The following DTX3L variants were observed in gnomAD, a reference collection of about 807,000 sequenced individuals.
DTX3L encodes the protein E3 ubiquitin-protein ligase DTX3L.
Under a neutral mutation model 60.9 loss-of-function variants are expected in DTX3L, and 34 were observed. The observed-to-expected ratio is 0.56, with a 90% CI of 0.42 to 0.74. The LOEUF (loss-of-function observed/expected upper bound fraction) is 0.74. Among genes scored for constraint, DTX3L ranks in the 30% least tolerant of loss-of-function variants. DTX3L has a pLI of 0.00. For missense variants in DTX3L, 810 were observed against 874.0 expected (o/e 0.93, Z 0.92); for synonymous variants, 290 against 316.6 (o/e 0.92, Z 0.89).
At chr3:122,567,002 T>C (rs548888955) in intron 2 of DTX3L, among the ~76,000 whole-genome samples, 1 of 152,314 alleles carries the variant, frequency 6.6e-6, no homozygotes, top group Non-Finnish European at 1.5e-5. Context: ...AGGTGACATC[T>C]CTAGCCAAGT....
At chr3:122,570,055 G>C in intron 3 of DTX3L, 31 bp downstream of exon 3, 1 of 1,605,314 alleles carries the variant, frequency 6.2e-7, no homozygotes, top group Non-Finnish European at 8.5e-7. Context: ...TGGGTTTCTT[G>C]CCACTATGCT....
rs770609802 is a variant in DTX3L at position 122,565,512 on chromosome 3, T to TAAA, written c.188-326_188-324dup. On this transcript the variant is annotated intron_variant, in intron 1 of 4. Coordinates refer to ENST00000296161, the MANE Select transcript of DTX3L (RefSeq NM_138287.3). Reference sequence around the variant, plus strand: ...CTGGGTGACAGAGTGAGACTCCGTCTAAAAAAAAAAAAAAAAAAAAAAAGA... The same window carrying TAAA: ...CTGGGTGACAGAGTGAGACTCCGTCTAAAAAAAAAAAAAAAAAAAAAAAAAAGA... 7.6e-3 allele frequency among the ~76,000 whole-genome samples: 398 copies of TAAA among 52,266 alleles called. 11 individuals are homozygous for TAAA. Among genetic ancestry groups the TAAA allele is most frequent in the Non-Finnish European group, 9.1e-3 (271 of 29,862 alleles). 34.3% of individuals were successfully genotyped at this position (52,266 alleles called of 152,430 possible).
chr3:122,572,107 G>T lies in DTX3L; in HGVS notation c.*360G>T, dbSNP rs2080650484. ...TTTTTGTATTTTTAGTAGAGACAGG[G>T]TTTCACTGTGTTAGCCAGGATGGTC... On this transcript the variant is annotated 3_prime_UTR_variant, in exon 5 of 5. Coordinates refer to ENST00000296161, the MANE Select transcript of DTX3L (RefSeq NM_138287.3). 2 of 177,690 alleles carry T rather than the reference G, an allele frequency of 1.1e-5. No homozygotes were observed. The highest frequency in any genetic ancestry group is 5.5e-5 in the Admixed American group (1 of 18,068). 11.0% of individuals were successfully genotyped at this position (177,690 alleles called of 1,614,324 possible). A position where few individuals can be genotyped will look rare whatever the true frequency, so the allele number is the denominator to read the frequency against.
chr3:122,570,915 C>T (rs992838818), intron 4 of DTX3L, among the ~76,000 whole-genome samples: 10 of 152,022 alleles, frequency 6.6e-5, no homozygotes, highest in African/African-American at 2.4e-4. Flanking sequence ...CTTTTGAATC[C>T]GAGATGAATA....
At chr3:122,566,913 A>G (rs1326303620) in intron 2 of DTX3L, among the ~76,000 whole-genome samples, 1 of 152,226 alleles carries the variant, frequency 6.6e-6, no homozygotes. Flanking sequence ...TGCCAGTCAT[A>G]CCTGCTAGGA....
intron 4 of DTX3L, among the ~76,000 whole-genome samples, chr3:122,571,359 T>A (rs1453227616): frequency 1.3e-5 from 2 of 152,096 alleles, no homozygotes; most frequent in Non-Finnish European, 2.9e-5. Flanking sequence ...TCAAAGTAAA[T>A]CAACGTATTA....
chr3:122,571,689 C>T lies in DTX3L; in HGVS notation c.2165C>T (p.Pro722Leu), dbSNP rs1269725455. 2 of 1,613,086 alleles carry T rather than the reference C, an allele frequency of 1.2e-6. No homozygotes were observed. The highest frequency in any genetic ancestry group is 2.7e-5 in the African/African-American group (2 of 74,894). Reference protein sequence around the residue: ...RFGGPEMYGYPDPSYLKRVKE... With the variant: ...RFGGPEMYGYLDPSYLKRVKE... ...TTTTGTTTCTTCAGGTATGGCTATC[C>T]TGATCCTTCTTACCTGAAACGTGTC... Residue 722 changes from proline to leucine, a missense_variant, in exon 5 of 5, where the codon CCT (proline) becomes CTT (leucine). Coordinates refer to ENST00000296161, the MANE Select transcript of DTX3L (RefSeq NM_138287.3).
rs200460795 is a variant in DTX3L, at chr3:122,564,516, C to A, written c.90C>A (p.Phe30Leu). Residue 30 changes from phenylalanine to leucine, a missense_variant, in exon 1 of 5, where the codon TTC (phenylalanine) becomes TTA (leucine). Coordinates refer to ENST00000296161, the MANE Select transcript of DTX3L (RefSeq NM_138287.3). ...TACGAAGGAAGCTGGAGAGCTACTT[C>A]CAGAGCTCTAAGTCCTCGGGCGGCG... is the stretch of plus-strand genomic sequence containing the variant. ...PRVRRKLESY[F>L]QSSKSSGGGE... 4.5e-5 allele frequency: 73 copies of A among 1,612,384 alleles called. 2 individuals are homozygous for A. In the Admixed American group the frequency reaches 9.0e-4, roughly 20 times the overall value.
chr3:122,564,820 G>A (rs575020107), intron 1 of DTX3L, among the ~76,000 whole-genome samples: 2 of 152,362 alleles, frequency 1.3e-5, no homozygotes, highest in Admixed American at 6.5e-5. Context: ...TGTGCCTGGT[G>A]CGGGTCTGGC....
intron 2 of DTX3L, 30 bp downstream of exon 2, chr3:122,566,100 C>T: frequency 6.3e-7 from 1 of 1,587,798 alleles, no homozygotes; most frequent in South Asian, 1.1e-5. Flanking sequence ...GCTGGCTGTG[C>T]CTGCGCCTCC....
In DTX3L at chr3:122,564,391, T is replaced by C; in HGVS notation, c.-36T>C. On this transcript the variant is annotated 5_prime_UTR_variant, in exon 1 of 5. Transcript: ENST00000296161. ...GCCGCGCCTTTACCGCCCAGCTGCC[T>C]CCCGGAGCCCCCGCGCCCTCCCGAC... 1 of 1,581,452 alleles carries C rather than the reference T, an allele frequency of 6.3e-7. No individual in the cohort carries two copies.
At position 122,570,559 on chromosome 3, in the gene DTX3L, CT is replaced by C; in HGVS notation, c.2043del (p.Phe681LeufsTer5). On this transcript the variant is annotated frameshift_variant, in exon 4 of 5. Coordinates refer to ENST00000296161, the MANE Select transcript of DTX3L (RefSeq NM_138287.3). LOFTEE classifies it high-confidence loss of function. Reference protein sequence around the residue: ...RKVLKLLYRAFDQKLIFTVGY... With the variant: ...RKVLKLLYRAXDQKLIFTVGY... ...AGGTTTTGAAACTGCTTTATAGGGCCTTTGACCAAAAGCTGATTTTTACAGT... is the reference window on the plus strand; with the variant it reads ...AGGTTTTGAAACTGCTTTATAGGGCCTTGACCAAAAGCTGATTTTTACAGT... The C allele has an allele frequency of 1.2e-6, 2 of 1,614,126 alleles. No individual in the cohort carries two copies. Among genetic ancestry groups the C allele is most frequent in the Non-Finnish European group, 1.7e-6 (2 of 1,180,046 alleles).
chr3:122,570,408 T>C, intron 3 of DTX3L, 47 bp from the exon 4 acceptor site: 1 of 1,587,796 alleles, frequency 6.3e-7, no homozygotes, highest in Non-Finnish European at 8.6e-7. Context: ...ATAGTAAAAA[T>C]TAGACAGGGC....
chr3:122,568,301 C>T lies in DTX3L; in HGVS notation c.400-188C>T, dbSNP rs527933808. 6.7e-5 allele frequency among the ~76,000 whole-genome samples: 10 copies of T among 149,068 alleles called. No homozygotes were observed. The South Asian group carries it at 1.7e-3, about 25-fold the overall frequency. On this transcript the variant is annotated intron_variant, in intron 2 of 4. Transcript: ENST00000296161. ...TCCAGCCTGGGTAACAAGAGTGAAA[C>T]TCCATCTTGAAATAAATAAATAAAT...
rs1352425719 is a variant in DTX3L at position 122,568,540 on chromosome 3, C to G, written c.451C>G (p.Gln151Glu). 6.2e-7 allele frequency: 1 copy of G among 1,613,884 alleles called. No homozygotes were observed. Among genetic ancestry groups the G allele is most frequent in the Admixed American group, 1.7e-5 (1 of 59,984 alleles). ...DLNCNLFSKE[Q>E]RAYITTLCPS... The stretch of plus-strand genomic sequence containing the variant: ...GAACTGTAACCTGTTCTCCAAAGAG[C>G]AGAGGGCATACATAACCACACTGTG... The change falls in exon 3 of 5, where the codon CAG becomes GAG. Residue 151 changes from glutamine to glutamate, a missense_variant. Transcript: ENST00000296161.
intron 3 of DTX3L, 129 bp from the exon 4 acceptor site, chr3:122,570,326 G>A (rs1043458374): frequency 1.3e-5 from 12 of 939,846 alleles, no homozygotes; most frequent in Non-Finnish European, 1.8e-5. Context: ...GAGTTATTGG[G>A]AATATGAGCA....
At chr3:122,571,588 T>C (rs776851353) in intron 4 of DTX3L, 90 bp from the exon 5 acceptor site, 99 of 991,782 alleles carry the variant, frequency 1.0e-4, no homozygotes, top group Non-Finnish European at 1.3e-4. Flanking sequence ...TTTGCAACAC[T>C]GGATATTAAT....
Position 122,570,664 on chromosome 3 carries a change from AC to A in DTX3L, c.2147del (p.Pro716GlnfsTer12). The A allele has an allele frequency of 1.2e-6, 2 of 1,614,162 alleles. No individual in the cohort carries two copies. Among genetic ancestry groups the A allele is most frequent in the South Asian group, 2.2e-5 (2 of 91,086 alleles). On this transcript the variant is annotated frameshift_variant, in exon 4 of 5. Transcript: ENST00000296161. LOFTEE classifies it high-confidence loss of function. ...IHHKTSRFGG[P>X]EMYGYPDPSY... The stretch of plus-strand genomic sequence containing the variant: ...ACCACAAAACATCCCGGTTTGGAGG[AC>A]CAGAAATGTGAGATCCTTTTGGGAT...
At chr3:122,564,718 T>A in intron 1 of DTX3L, 105 bp downstream of exon 1, 1 of 1,369,100 alleles carries the variant, frequency 7.3e-7, no homozygotes. Context: ...CGGGAGAAAG[T>A]ATGTCACTGT....
Sources: gnomAD v4.1 joint callset for allele counts (sites outside exome capture counted in the v4.1 genomes callset) on GRCh38, gnomAD v4.1.1 for gene constraint, MANE v1.5 for transcripts, NCBI Gene and HGNC (gene_info 2026-07-23, HGNC 2026-07-21) for gene names.